BCR: variants seen among roughly 807,000 people sequenced by gnomAD.
The protein encoded by BCR is BCR activator of RhoGEF and GTPase.
Under a neutral mutation model 138.6 loss-of-function variants are expected in BCR, and 58 were observed. The observed-to-expected ratio is 0.42, with a 90% CI of 0.34 to 0.52. The LOEUF is 0.52. Ranked by LOEUF, BCR falls within the 20% of genes least tolerant of loss-of-function variation. The pLI is 0.06. For synonymous variants in BCR, 786 were observed against 730.1 expected, an observed-to-expected ratio of 1.08 and a Z score of -1.23; for missense variants, 1,599 against 1,727.2, an observed-to-expected ratio of 0.93 and a Z score of 1.32.
intron 3 of BCR, 117 bp downstream of exon 3, chr22:23,261,171 C>A: frequency 8.1e-7 from 1 of 1,240,416 alleles, no homozygotes; most frequent in Non-Finnish European, 1.2e-6. Flanking sequence ...GCTCGCCATC[C>A]CTGGAGTGGA....
At chr22:23,290,481 C>A in intron 14 of BCR, 68 bp downstream of exon 14, 3 of 1,474,210 alleles carry the variant, frequency 2.0e-6, no homozygotes, top group Admixed American at 1.7e-5. Context: ...AAGGACTCAT[C>A]GGGCAGGGTG....
At chr22:23,308,462 C>T (rs143900118) in intron 16 of BCR, among the ~76,000 whole-genome samples, 309 of 152,252 alleles carry the variant, frequency 2.0e-3, no homozygotes, top group African/African-American at 6.9e-3. Context: ...CCCACCACCA[C>T]GCCCAGCTAA....
At chr22:23,277,783 C>A (rs2073596172) in intron 8 of BCR, among the ~76,000 whole-genome samples, 1 of 152,172 alleles carries the variant, frequency 6.6e-6, no homozygotes, top group Non-Finnish European at 1.5e-5. Flanking sequence ...TCTCATTGCC[C>A]TTTTCAGCCA....
In BCR at chr22:23,191,394, C is replaced by T. The variant is rs143222965; in HGVS notation, c.1279+9155C>T. Among the ~76,000 whole-genome samples the T allele has an allele frequency of 8.9e-3, 1,348 of 152,294 alleles. 14 individuals carry two copies. The highest frequency in any genetic ancestry group is 0.014 in the Non-Finnish European group (959 of 68,030). On this transcript the variant is annotated intron_variant, in intron 1 of 22. Coordinates refer to ENST00000305877, the MANE Select transcript of BCR (RefSeq NM_004327.4). ...GCCTGGCACTATCTTCATGGAAATC[C>T]TTTCTTCCTTATTCATTGATTTATG... is the stretch of plus-strand genomic sequence containing the variant.
chr22:23,230,838 G>A (rs889705288), intron 1 of BCR, among the ~76,000 whole-genome samples: 2 of 152,112 alleles, frequency 1.3e-5, no homozygotes, highest in Non-Finnish European at 2.9e-5. Flanking sequence ...CTCCCCAGCC[G>A]CACATCCAGC....
chr22:23,198,457 A>G (rs2072508761), intron 1 of BCR: 1 of 387,292 alleles, frequency 2.6e-6, no homozygotes, highest in Admixed American at 3.7e-5. Context: ...ACTGCTGAAC[A>G]GCTATCAGGG....
At chr22:23,237,333 G>A (rs781012998) in intron 1 of BCR, among the ~76,000 whole-genome samples, 2 of 152,184 alleles carry the variant, frequency 1.3e-5, no homozygotes, top group South Asian at 2.1e-4. Flanking sequence ...CTCCTCCCAC[G>A]GCCCCCTGGG....
intron 4 of BCR, chr22:23,264,591 A>C: frequency 2.5e-6 from 1 of 394,642 alleles, no homozygotes; most frequent in Non-Finnish European, 4.7e-6. Context: ...GCTGCTTTAG[A>C]GGAGTGCAGC....
At chr22:23,263,506 C>A in intron 4 of BCR, 1 of 1,572,304 alleles carries the variant, frequency 6.4e-7, no homozygotes, top group Non-Finnish European at 8.8e-7. Flanking sequence ...GAGGATGATG[C>A]TTTGTACATA....
chr22:23,196,106 C>T (rs1468233608), intron 1 of BCR, among the ~76,000 whole-genome samples: 2 of 152,142 alleles, frequency 1.3e-5, no homozygotes, highest in Non-Finnish European at 2.9e-5. Context: ...TACACATACT[C>T]TAAAATGTAC....
intron 16 of BCR, chr22:23,302,490 T>G (rs4822378): frequency 0.87 from 132,062 of 152,388 alleles, 57,991 homozygotes; most frequent in African/African-American, 0.96. Context: ...GCATAAGCAG[T>G]GTGGGGGCTG....
chr22:23,207,205 T>C (rs1046397076), intron 1 of BCR, among the ~76,000 whole-genome samples: 2 of 152,072 alleles, frequency 1.3e-5, no homozygotes, highest in African/African-American at 2.4e-5. Context: ...AAGGAACCCA[T>C]AGACATATAT....
At position 23,181,200 on chromosome 22, in the gene BCR, G is replaced by T; in HGVS notation, c.240G>T (p.Ala80=). The change falls in exon 1 of 23, where the codon GCG becomes GCT. Residue 80 remains alanine (A), a synonymous_variant. Coordinates refer to ENST00000305877, the MANE Select transcript of BCR (RefSeq NM_004327.4). ...GGCAGCGATGGGGCTTCCGGCGCGC[G>T]GCGCAGGCCCCCGACGGCGCCTCCG... ...YDRQRWGFRR[A]AQAPDGASEP... is the part of the protein sequence containing the mutation. The T allele has an allele frequency of 7.7e-7, 1 of 1,292,504 alleles. No homozygotes were observed. Among genetic ancestry groups the T allele is most frequent in the South Asian group, 2.2e-5 (1 of 44,454 alleles). 80.1% of individuals were successfully genotyped at this position (1,292,504 alleles called of 1,614,324 possible).
intron 4 of BCR, chr22:23,263,414 GTC>G: frequency 7.8e-7 from 1 of 1,282,184 alleles, no homozygotes; most frequent in Non-Finnish European, 1.1e-6. Context: ...CAGTGAAGGT[GTC>G]TCAGAACTGG....
intron 15 of BCR, among the ~76,000 whole-genome samples, chr22:23,294,140 T>C (rs1477295302): frequency 2.6e-5 from 4 of 152,194 alleles, no homozygotes; most frequent in Admixed American, 2.6e-4. Context: ...AGAGTTCCCA[T>C]GTACCTCCTG....
intron 1 of BCR, among the ~76,000 whole-genome samples, chr22:23,231,548 T>TAAAATAAAATAAATA (rs148906561): frequency 7.3e-5 from 10 of 137,758 alleles, no homozygotes; most frequent in African/African-American, 2.4e-4. Context: ...TAAAATAAAA[T>TAAAATAAAATAAATA]AAATAAAATA....
chr22:23,254,732 A>G (rs1018170926), intron 2 of BCR, among the ~76,000 whole-genome samples: 5 of 152,212 alleles, frequency 3.3e-5, no homozygotes, highest in African/African-American at 1.2e-4. Flanking sequence ...CCATTGGTGC[A>G]TGTCCCCCCA....
rs529512434 is a variant in BCR at position 23,180,794 on chromosome 22, T to G, written c.-167T>G. On this transcript the variant is annotated 5_prime_UTR_variant, in exon 1 of 23. Transcript: ENST00000305877. ...CCGCCCCGCGCGCCGAGCGCCCCGC[T>G]CCGCCTCACCTGCCACCAGGGAGTG... 486 of 223,398 alleles carry G rather than the reference T, an allele frequency of 2.2e-3. 1 individual carries two copies. The highest frequency in any genetic ancestry group is 0.011 in the African/African-American group (467 of 41,358). 13.8% of individuals were successfully genotyped at this position (223,398 alleles called of 1,614,324 possible). A position where few individuals can be genotyped will look rare whatever the true frequency, so the allele number is the denominator to read the frequency against.
intron 1 of BCR, among the ~76,000 whole-genome samples, chr22:23,190,826 C>A (rs766550539): frequency 4.6e-5 from 7 of 152,164 alleles, no homozygotes; most frequent in Admixed American, 3.9e-4. Flanking sequence ...GCTAAAACTT[C>A]GTGTGCTGCC....
Sources: gnomAD v4.1 joint callset for allele counts (sites outside exome capture counted in the v4.1 genomes callset) on GRCh38, gnomAD v4.1.1 for gene constraint, MANE v1.5 for transcripts, NCBI Gene and HGNC (gene_info 2026-07-23, HGNC 2026-07-21) for gene names.